ALK: variants seen among roughly 807,000 people sequenced by gnomAD.
ALK encodes ALK tyrosine kinase receptor.
A neutral mutation model predicts 163.1 loss-of-function variants in ALK; 74 were observed. The observed-to-expected ratio is 0.45, with a 90% confidence interval of 0.38 to 0.55. The LOEUF is 0.55. ALK is among the 20% of genes least tolerant of loss of function. ALK has a pLI of 0.00. For missense variants in ALK, 2,063 were observed against 2,105.3 expected, an observed-to-expected ratio of 0.98 and a Z score of 0.39; for synonymous variants, 960 against 843.2, an observed-to-expected ratio of 1.14 and a Z score of -2.40.
At chr2:29,798,698 T>C (rs1026397850) in intron 1 of ALK, among the ~76,000 whole-genome samples, 1 of 152,218 alleles carries the variant, frequency 6.6e-6, no homozygotes, top group African/African-American at 2.4e-5. Context: ...GGTAGGATGA[T>C]AATAACCCAA....
At chr2:29,878,051 T>A (rs925544951) in intron 1 of ALK, among the ~76,000 whole-genome samples, 1 of 152,152 alleles carries the variant, frequency 6.6e-6, no homozygotes, top group Admixed American at 6.5e-5. Context: ...AAAAGCTGAG[T>A]AGAACATTGT....
chr2:29,531,495 G>A (rs1014365757), intron 4 of ALK, among the ~76,000 whole-genome samples: 8 of 152,118 alleles, frequency 5.3e-5, no homozygotes, highest in South Asian at 2.1e-4. Context: ...CATAGAACCC[G>A]CTTGGATGGC....
chr2:29,253,708 A>G (rs1664878902), intron 11 of ALK, among the ~76,000 whole-genome samples: 1 of 152,016 alleles, frequency 6.6e-6, no homozygotes, highest in East Asian at 1.9e-4. Context: ...GTTCCTTGAA[A>G]CCTGTTCTGC....
At chr2:29,543,297 G>A (rs551174733) in intron 3 of ALK, among the ~76,000 whole-genome samples, 1 of 152,336 alleles carries the variant, frequency 6.6e-6, no homozygotes, top group African/African-American at 2.4e-5. Context: ...CACATGTTGA[G>A]TGATCATTGA....
chr2:29,795,137 C>T (rs984251668), intron 1 of ALK, among the ~76,000 whole-genome samples: 11 of 151,988 alleles, frequency 7.2e-5, no homozygotes, highest in Admixed American at 6.6e-5. Context: ...AACACTAAGA[C>T]AGGCAGGTGA....
intron 4 of ALK, among the ~76,000 whole-genome samples, chr2:29,502,360 A>G (rs1161188093): frequency 1.3e-5 from 2 of 152,214 alleles, no homozygotes; most frequent in Non-Finnish European, 2.9e-5. Context: ...AATGAACCCA[A>G]TAAGCACTTG....
intron 8 of ALK, among the ~76,000 whole-genome samples, chr2:29,305,194 C>G (rs1558662035): frequency 6.6e-6 from 1 of 152,170 alleles, no homozygotes; most frequent in Non-Finnish European, 1.5e-5. Context: ...CCCACCATCA[C>G]CAAGGTGTAG....
chr2:29,320,997 C>T lies in ALK; in HGVS notation c.1415-115G>A, dbSNP rs1420611167. ...AATTATCTTCATTAGTAATATAGCT[C>T]CCCAGCCAGAATGCTGGATGACTAA... On this transcript the variant is annotated intron_variant, in intron 6 of 28. Transcript: ENST00000389048. 18 of 1,306,168 alleles carry T rather than the reference C, an allele frequency of 1.4e-5. No individual in the cohort carries two copies. In the African/African-American group the frequency reaches 2.3e-4, roughly 17 times the overall value. The allele number at this position is 1,306,168 out of a possible 1,614,324, so 80.9% of individuals were successfully genotyped here.
intron 4 of ALK, among the ~76,000 whole-genome samples, chr2:29,513,200 T>G (rs1286514441): frequency 1.4e-5 from 2 of 143,826 alleles, no homozygotes; most frequent in Non-Finnish European, 3.0e-5. Flanking sequence ...AAGTCAATCC[T>G]AAGCCAAAAG....
intron 1 of ALK, among the ~76,000 whole-genome samples, chr2:29,914,185 C>A (rs894124244): frequency 6.6e-6 from 1 of 152,154 alleles, no homozygotes; most frequent in Non-Finnish European, 1.5e-5. Flanking sequence ...GAAGTAAATA[C>A]CACACTTCAA....
At chr2:29,811,392 C>G (rs750673969) in intron 1 of ALK, among the ~76,000 whole-genome samples, 23 of 152,154 alleles carry the variant, frequency 1.5e-4, no homozygotes, top group Non-Finnish European at 2.6e-4. Context: ...TATTTACAAA[C>G]AGTATTTACA....
intron 3 of ALK, among the ~76,000 whole-genome samples, chr2:29,555,723 T>A (rs1335860892): frequency 2.0e-5 from 3 of 152,178 alleles, no homozygotes; most frequent in South Asian, 2.1e-4. Flanking sequence ...GCATCTTACA[T>A]CCTAATGGCT....
intron 3 of ALK, among the ~76,000 whole-genome samples, chr2:29,588,908 T>C (rs774421870): frequency 7.9e-5 from 12 of 152,360 alleles, no homozygotes; most frequent in South Asian, 4.1e-4. Context: ...GTAGCTGCCT[T>C]GTGCTGTTTC....
intron 4 of ALK, among the ~76,000 whole-genome samples, chr2:29,461,514 G>A (rs777119210): frequency 9.2e-4 from 140 of 152,224 alleles, no homozygotes; most frequent in South Asian, 1.7e-3. Context: ...GAAAATTGTG[G>A]GGCCCTTAAG....
intron 1 of ALK, among the ~76,000 whole-genome samples, chr2:29,823,320 T>C (rs1665102207): frequency 6.6e-6 from 1 of 152,154 alleles, no homozygotes; most frequent in South Asian, 2.1e-4. Context: ...GAAAATGGGC[T>C]AATAAAGTAA....
At position 29,246,327 on chromosome 2, in the gene ALK, C is replaced by T. The variant is rs1664669268; in HGVS notation, c.2204+4778G>A. Among the ~76,000 whole-genome samples the T allele has an allele frequency of 6.6e-6, 1 of 152,106 alleles. No individual in the cohort carries two copies. Among genetic ancestry groups the T allele is most frequent in the Admixed American group, 6.5e-5 (1 of 15,280 alleles). On this transcript the variant is annotated intron_variant, in intron 12 of 28. Transcript: ENST00000389048. This position sits in a 1 kb window ranked among gnomAD's most constrained non-coding sequence, Gnocchi z 4.3. ...GGCCACCCGTGGGCTCTCACTGAGT[C>T]CCCCAACAGCCCTCTCAGAGCTGGG...
chr2:29,868,380 T>C (rs1256763769), intron 1 of ALK, among the ~76,000 whole-genome samples: 1 of 152,214 alleles, frequency 6.6e-6, no homozygotes, highest in African/African-American at 2.4e-5. Context: ...CTTGTGAAGA[T>C]AATATTCTAC....
intron 4 of ALK, among the ~76,000 whole-genome samples, chr2:29,418,941 C>A (rs750896481): frequency 2.6e-5 from 4 of 151,460 alleles, no homozygotes; most frequent in Non-Finnish European, 4.4e-5. Context: ...ATATGCAAAG[C>A]AGTGGGCTTT....
intron 1 of ALK, among the ~76,000 whole-genome samples, chr2:29,846,018 C>T (rs1665833079): frequency 6.6e-6 from 1 of 152,214 alleles, no homozygotes; most frequent in Non-Finnish European, 1.5e-5. Context: ...TCATATAGTG[C>T]TATAGTGTGG....
Sources: allele counts gnomAD v4.1 joint callset (sites outside exome capture counted in the v4.1 genomes callset), GRCh38; gene constraint gnomAD v4.1.1; non-coding constraint Gnocchi (gnomAD v3.1); transcripts MANE v1.5; gene names NCBI Gene and HGNC (gene_info 2026-07-23, HGNC 2026-07-21).